Variants in CDK5RAP2 observed in about 807,000 individuals in gnomAD.
CDK5RAP2 encodes the protein CDK5 regulatory subunit-associated protein 2.
In CDK5RAP2, 147 loss-of-function variants were observed where a neutral mutation model predicts 232.9. That is an observed-to-expected ratio of 0.63 (90% confidence interval 0.55 to 0.72). The LOEUF is 0.72. Ranked by LOEUF, CDK5RAP2 falls within the 30% of genes least tolerant of loss-of-function variation. The pLI is 0.00. For missense variants in CDK5RAP2, 2,195 were observed against 2,231.5 expected (o/e 0.98, Z 0.33); for synonymous variants, 833 against 833.7 (o/e 1.00, Z 0.01).
intron 35 of CDK5RAP2, among the ~76,000 whole-genome samples, chr9:120,398,860 C>T (rs961712635): frequency 1.3e-5 from 2 of 152,198 alleles, no homozygotes; most frequent in African/African-American, 2.4e-5. Context: ...ATTAATAACA[C>T]TCAAGAGAAA....
At chr9:120,509,124 C>T (rs899325610) in intron 12 of CDK5RAP2, among the ~76,000 whole-genome samples, 15 of 152,172 alleles carry the variant, frequency 9.9e-5, no homozygotes, top group Admixed American at 2.6e-4. Flanking sequence ...AATAGCAGAG[C>T]GCTCCGACTC....
intron 36 of CDK5RAP2, among the ~76,000 whole-genome samples, chr9:120,391,961 C>G (rs2032025015): frequency 6.6e-6 from 1 of 152,202 alleles, no homozygotes; most frequent in Non-Finnish European, 1.5e-5. Flanking sequence ...GAGCAAGCCC[C>G]TCACCCTGCT....
intron 13 of CDK5RAP2, among the ~76,000 whole-genome samples, chr9:120,491,072 G>C (rs2038877209): frequency 6.6e-6 from 1 of 152,164 alleles, no homozygotes; most frequent in Non-Finnish European, 1.5e-5. Context: ...GTGAATCCAG[G>C]CTCTGCTATT....
At chr9:120,529,559 G>C (rs1182661414) in intron 8 of CDK5RAP2, among the ~76,000 whole-genome samples, 1 of 152,180 alleles carries the variant, frequency 6.6e-6, no homozygotes, top group African/African-American at 2.4e-5. Flanking sequence ...TGCTAAGCCC[G>C]ATACGAGTTA....
intron 34 of CDK5RAP2, 124 bp downstream of exon 34, chr9:120,402,682 C>CCA (rs1219643549): frequency 3.7e-5 from 40 of 1,094,920 alleles, no homozygotes; most frequent in Non-Finnish European, 5.3e-5. Context: ...CTCTCTGAGG[C>CCA]CACACTTCCT....
At chr9:120,426,203 A>G (rs2034888869) in intron 25 of CDK5RAP2, among the ~76,000 whole-genome samples, 1 of 152,212 alleles carries the variant, frequency 6.6e-6, no homozygotes, top group Admixed American at 6.5e-5. Flanking sequence ...TGTAAGCCAA[A>G]AAGTATATGA....
intron 3 of CDK5RAP2, 106 bp from the exon 4 acceptor site, chr9:120,551,008 CA>C (rs2042023300): frequency 1.3e-6 from 1 of 744,862 alleles, no homozygotes; most frequent in Non-Finnish European, 2.5e-6. Flanking sequence ...AAAACTGATT[CA>C]AATGTTAAAT....
Position 120,408,410 on chromosome 9 carries a change from G to C in CDK5RAP2, c.4663C>G (p.Gln1555Glu). 1 of 1,614,104 alleles carries C rather than the reference G, an allele frequency of 6.2e-7. No individual in the cohort carries two copies. Among genetic ancestry groups the C allele is most frequent in the Non-Finnish European group, 8.5e-7 (1 of 1,179,964 alleles). The change falls in exon 31 of 38, where the codon CAG becomes GAG. Residue 1555 changes from glutamine (Q) to glutamate (E), a missense_variant. Gln to Glu is a conservative substitution (Grantham distance 29). Coordinates refer to ENST00000349780, the MANE Select transcript of CDK5RAP2 (RefSeq NM_018249.6). ...GCCTTCAGCTCCACTCGGAGAGACT[G>C]CAATAGCTTGTCATTCTGTGAGAGC... ...QLLSQNDKLL[Q>E]SLRVELKAYE...
intron 25 of CDK5RAP2, among the ~76,000 whole-genome samples, chr9:120,426,972 A>G (rs2034944429): frequency 6.6e-6 from 1 of 152,080 alleles, no homozygotes; most frequent in Non-Finnish European, 1.5e-5. Flanking sequence ...CCACTTTCCC[A>G]TCATGGTCTG....
rs2033185311 is a variant in CDK5RAP2 at position 120,403,186 on chromosome 9, C to T, written c.5042-115G>A. The T allele has an allele frequency of 1.9e-6, 2 of 1,028,364 alleles. No individual in the cohort carries two copies. Among genetic ancestry groups the T allele is most frequent in the East Asian group, 2.5e-5 (1 of 40,478 alleles). The allele number at this position is 1,028,364 out of a possible 1,614,324, so 63.7% of individuals were successfully genotyped here. The stretch of plus-strand genomic sequence containing the variant: ...AGAAGAGGCCCTCGTGCCCAAATGC[C>T]ACCCAACACAAGCCCAGAGGGGAAA... On this transcript the variant is annotated intron_variant, in intron 33 of 37. Coordinates refer to ENST00000349780, the MANE Select transcript of CDK5RAP2 (RefSeq NM_018249.6). This position sits in a 1 kb window ranked among gnomAD's most constrained non-coding sequence, Gnocchi z 4.2.
chr9:120,514,686 T>C (rs182241372), intron 12 of CDK5RAP2, among the ~76,000 whole-genome samples: 2 of 152,332 alleles, frequency 1.3e-5, no homozygotes, highest in Admixed American at 1.3e-4. Flanking sequence ...AAGTTCCCTT[T>C]CTGCCAAACT....
intron 7 of CDK5RAP2, among the ~76,000 whole-genome samples, chr9:120,535,167 A>C (rs12238807): frequency 0.12 from 17,641 of 152,252 alleles, 1,343 homozygotes; most frequent in East Asian, 0.29. Flanking sequence ...TTCCAGATCA[A>C]AGCTAAGAAA....
chr9:120,575,973 T>A (rs887229613), intron 1 of CDK5RAP2, among the ~76,000 whole-genome samples: 3 of 152,222 alleles, frequency 2.0e-5, no homozygotes, highest in African/African-American at 7.2e-5. Flanking sequence ...TCTTCAAACC[T>A]TACTGACCAT....
chr9:120,397,393 A>G (rs2032568883), intron 35 of CDK5RAP2, among the ~76,000 whole-genome samples: 1 of 151,602 alleles, frequency 6.6e-6, no homozygotes, highest in Non-Finnish European at 1.5e-5. Context: ...AGATCTCTCT[A>G]GAAGATTTTT....
chr9:120,546,979 G>GT (rs1356393663), intron 4 of CDK5RAP2, among the ~76,000 whole-genome samples: 1 of 37,008 alleles, frequency 2.7e-5, no homozygotes, highest in African/African-American at 5.0e-5. Flanking sequence ...TGTGTTTTTT[G>GT]TTTTTTCGTT....
At chr9:120,454,614 C>T (rs956816540) in intron 20 of CDK5RAP2, among the ~76,000 whole-genome samples, 1 of 152,250 alleles carries the variant, frequency 6.6e-6, no homozygotes, top group Non-Finnish European at 1.5e-5. Context: ...TTCCCATAGA[C>T]ATAGTCCCAC....
chr9:120,492,937 C>T (rs1326212885), intron 12 of CDK5RAP2, among the ~76,000 whole-genome samples: 1 of 152,152 alleles, frequency 6.6e-6, no homozygotes, highest in Non-Finnish European at 1.5e-5. Flanking sequence ...CTTTCTTTCA[C>T]TAAAAAAGCC....
At chr9:120,419,027 G>A (rs1444004199) in intron 27 of CDK5RAP2, among the ~76,000 whole-genome samples, 1 of 152,196 alleles carries the variant, frequency 6.6e-6, no homozygotes, top group Non-Finnish European at 1.5e-5. Flanking sequence ...ATTAGGAAGT[G>A]GGGGCTTTGG....
intron 15 of CDK5RAP2, among the ~76,000 whole-genome samples, chr9:120,473,184 T>C (rs1436943432): frequency 6.6e-6 from 1 of 152,198 alleles, no homozygotes; most frequent in African/African-American, 2.4e-5. Context: ...AGCAATGCAA[T>C]TACTGGGTCA....
Sources: allele counts gnomAD v4.1 joint callset (sites outside exome capture counted in the v4.1 genomes callset), GRCh38; gene constraint gnomAD v4.1.1; non-coding constraint Gnocchi (gnomAD v3.1); transcripts MANE v1.5; gene names NCBI Gene and HGNC (gene_info 2026-07-23, HGNC 2026-07-21).